Variants in PGAP2 observed in about 807,000 individuals in gnomAD.
PGAP2 encodes post-GPI attachment to proteins 2, also known as acyltransferase PGAP2.
PGAP2 carries 21 observed loss-of-function variants against 33.2 expected under a neutral mutation model. The observed-to-expected ratio is 0.63, with a 90% CI of 0.45 to 0.91. The LOEUF (loss-of-function observed/expected upper bound fraction) is 0.91, where lower values mean the gene tolerates loss of function less well. Ranked by LOEUF, PGAP2 falls within the 40% of genes least tolerant of loss-of-function variation. The probability of loss-of-function intolerance (pLI) is 0.00; values close to 1 mark genes in which losing one functional copy is unlikely to be tolerated. For synonymous variants in PGAP2, 161 were observed against 172.9 expected, an observed-to-expected ratio of 0.93 and a Z score of 0.54; for missense variants, 345 against 424.0, an observed-to-expected ratio of 0.81 and a Z score of 1.64.
chr11:3,822,818 C>T (rs1323018577), intron 3 of PGAP2: 1 of 692,478 alleles, frequency 1.4e-6, no homozygotes, highest in Non-Finnish European at 2.4e-6. Flanking sequence ...CCATCTAAAC[C>T]CTTGTTCAGT....
In PGAP2 at chr11:3,826,148, C is replaced by T. The variant is rs777515146; in HGVS notation, c.*690C>T. The T allele has an allele frequency of 2.0e-5, 3 of 152,316 alleles. No homozygotes were observed. The highest frequency in any genetic ancestry group is 2.9e-5 in the Non-Finnish European group (2 of 68,188). 9.4% of individuals were successfully genotyped at this position (152,316 alleles called of 1,614,324 possible). On this transcript the variant is annotated 3_prime_UTR_variant, in exon 7 of 7. Coordinates refer to ENST00000278243, the MANE Select transcript of PGAP2 (RefSeq NM_014489.4). ...TGACCTGCTCCAGAAACAGCACCAGCACAGCATGTATTTTCTTCTCTTCTG... is the reference window on the plus strand; with the variant it reads ...TGACCTGCTCCAGAAACAGCACCAGTACAGCATGTATTTTCTTCTCTTCTG...
upstream of PGAP2, among the ~76,000 whole-genome samples, chr11:3,806,065 A>G (rs1460555724): frequency 6.6e-6 from 1 of 152,126 alleles, no homozygotes. Context: ...AGAATTGCCC[A>G]TATTTCCCAA....
intron 1 of PGAP2, among the ~76,000 whole-genome samples, chr11:3,809,846 A>C (rs761588484): frequency 3.3e-5 from 5 of 152,134 alleles, no homozygotes; most frequent in Non-Finnish European, 7.4e-5. Context: ...GCTGGGGGAA[A>C]ATGGGTGAGA....
At chr11:3,815,965 A>G (rs1000361371) in intron 2 of PGAP2, among the ~76,000 whole-genome samples, 3 of 152,170 alleles carry the variant, frequency 2.0e-5, no homozygotes, top group Non-Finnish European at 4.4e-5. Flanking sequence ...AAACCTGCCT[A>G]TGACCCTGGA....
chr11:3,825,363 G>A lies in PGAP2; in HGVS notation c.853G>A (p.Val285Ile). Residue 285 changes from valine (V) to isoleucine (I), a missense_variant, in exon 7 of 7, where the codon GTC becomes ATC. Around this residue, in one of 2 missense-constraint regions of PGAP2, gnomAD observed 311 missense variants for 353.6 expected, o/e 0.88. Transcript: ENST00000278243. ...TIFAILEYTV[V>I]LTNMAFHMTA... ...CTTTGCCATCCTGGAGTACACTGTTGTCTTAACCAACATGGCGTTCCACAT... is the reference window on the plus strand; with the variant it reads ...CTTTGCCATCCTGGAGTACACTGTTATCTTAACCAACATGGCGTTCCACAT... The A allele has an allele frequency of 6.2e-7, 1 of 1,613,940 alleles. No homozygotes were observed. The highest frequency in any genetic ancestry group is 8.5e-7 in the Non-Finnish European group (1 of 1,179,948).
rs7946577 is a variant in PGAP2, at chr11:3,817,680, G to C, written c.348+145G>C. 498,566 of 726,272 alleles carry C rather than the reference G, an allele frequency of 0.69. 177,799 individuals are homozygous for C. Among genetic ancestry groups the C allele is most frequent in the East Asian group, 0.82 (30,630 of 37,314 alleles). The allele number at this position is 726,272 out of a possible 1,614,324, so 45.0% of individuals were successfully genotyped here. A position where few individuals can be genotyped will look rare whatever the true frequency, so the allele number is the denominator to read the frequency against. ...GGGAAGGGTAGGTAAGTCAGAGTCA[G>C]AGATAATTCATGGGGGGAGACTCAG... On this transcript the variant is annotated intron_variant, in intron 3 of 6. Coordinates refer to ENST00000278243, the MANE Select transcript of PGAP2 (RefSeq NM_014489.4).
Position 3,823,866 on chromosome 11 carries a change from A to G in PGAP2, c.349-17A>G. On this transcript the variant is annotated splice_polypyrimidine_tract_variant and intron_variant, in intron 3 of 6. Coordinates refer to ENST00000278243, the MANE Select transcript of PGAP2 (RefSeq NM_014489.4). ...GGCTGGCAGAGGCAGATGCCCAGACAGGTCACAACTCTCTAGGTGCCCAAT... is the reference window on the plus strand; with the variant it reads ...GGCTGGCAGAGGCAGATGCCCAGACGGGTCACAACTCTCTAGGTGCCCAAT... 6.3e-7 allele frequency: 1 copy of G among 1,599,466 alleles called. No homozygotes were observed. Among genetic ancestry groups the G allele is most frequent in the Non-Finnish European group, 8.5e-7 (1 of 1,178,358 alleles).
At chr11:3,822,808 C>G (rs1047052960) in intron 3 of PGAP2, 2 of 621,194 alleles carry the variant, frequency 3.2e-6, no homozygotes, top group Non-Finnish European at 5.5e-6. Flanking sequence ...TTTCCTGTCC[C>G]CATCTAAACC....
chr11:3,816,967 C>T (rs923037637), intron 2 of PGAP2, among the ~76,000 whole-genome samples: 3 of 152,166 alleles, frequency 2.0e-5, no homozygotes, highest in Non-Finnish European at 4.4e-5. Flanking sequence ...CTCAGTCTCC[C>T]CTTCTGTGAA....
rs1382633880 is a variant in PGAP2, at chr11:3,823,685, A to T, written c.349-198A>T. On this transcript the variant is annotated intron_variant, in intron 3 of 6. Transcript: ENST00000278243. ...TGCACAAATCCCAGGATAGCTGGGG[A>T]ATGAGAATCCAGCACTTTGGGCCTA... The T allele has an allele frequency of 3.2e-6, 5 of 1,574,726 alleles. No homozygotes were observed. In the South Asian group the frequency reaches 5.6e-5, roughly 18 times the overall value.
chr11:3,803,912 T>G (rs1181318620), upstream of PGAP2, among the ~76,000 whole-genome samples: 1 of 152,082 alleles, frequency 6.6e-6, no homozygotes, highest in Non-Finnish European at 1.5e-5. Flanking sequence ...TGCCTCAGCC[T>G]TCCTAGTAGC....
Position 3,825,451 on chromosome 11 carries a change from G to A in PGAP2, c.941G>A (p.Arg314Gln), listed in dbSNP as rs773338737. The change falls in exon 7 of 7, where the codon CGA becomes CAA. Residue 314 changes from arginine (R) to glutamine (Q), a missense_variant. Arg to Gln is a conservative substitution (Grantham distance 43). Around this residue, in one of 2 missense-constraint regions of PGAP2, gnomAD observed 311 missense variants for 353.6 expected, o/e 0.88. Coordinates refer to ENST00000278243, the MANE Select transcript of PGAP2 (RefSeq NM_014489.4). ...ATAACCTCTCAGCCTGAGGAAAAGC[G>A]ATTCTGAACCCTTCAGTCCTGCTTG... Reference protein sequence around the residue: ...LLITSQPEEKRF With the variant: ...LLITSQPEEKQF The A allele has an allele frequency of 1.7e-5, 28 of 1,613,040 alleles. No homozygotes were observed. Among genetic ancestry groups the A allele is most frequent in the Non-Finnish European group, 2.2e-5 (26 of 1,179,858 alleles).
intron 1 of PGAP2, among the ~76,000 whole-genome samples, chr11:3,809,227 A>G (rs1414690017): frequency 6.6e-6 from 1 of 152,162 alleles, no homozygotes; most frequent in Admixed American, 6.5e-5. Flanking sequence ...AAAGAAAGCA[A>G]TTTTCAGCTA....
intron 1 of PGAP2, among the ~76,000 whole-genome samples, chr11:3,800,047 T>C (rs1294435099): frequency 6.6e-6 from 1 of 152,162 alleles, no homozygotes; most frequent in African/African-American, 2.4e-5. Context: ...AGGTGCTCAG[T>C]AGATACTTGA....
chr11:3,806,970 G>A (rs890800821), upstream of PGAP2, among the ~76,000 whole-genome samples: 10 of 151,542 alleles, frequency 6.6e-5, no homozygotes, highest in Non-Finnish European at 1.0e-4. Flanking sequence ...GCAGTGAGCC[G>A]AGATCGTGGC....
At chr11:3,797,996 C>A in intron 1 of PGAP2, 1 of 1,539,052 alleles carries the variant, frequency 6.5e-7, no homozygotes, top group Non-Finnish European at 8.8e-7. Flanking sequence ...ACTATTCGAC[C>A]CTTTCCTTGC....
chr11:3,812,552 A>T (rs2085818678), intron 2 of PGAP2, among the ~76,000 whole-genome samples: 1 of 152,142 alleles, frequency 6.6e-6, no homozygotes, highest in African/African-American at 2.4e-5. Flanking sequence ...GAGCAGAAGG[A>T]GGAGGAGGAA....
At chr11:3,820,875 G>A (rs961209375) in intron 3 of PGAP2, among the ~76,000 whole-genome samples, 1 of 152,162 alleles carries the variant, frequency 6.6e-6, no homozygotes, top group East Asian at 1.9e-4. Context: ...GGTAGGTGGT[G>A]TTATACCCAT....
At chr11:3,818,421 C>A (rs923880730) in intron 3 of PGAP2, among the ~76,000 whole-genome samples, 1 of 151,314 alleles carries the variant, frequency 6.6e-6, no homozygotes, top group Non-Finnish European at 1.5e-5. Flanking sequence ...CAGGAGAGAT[C>A]ATGAGAGGAA....
Sources: allele counts gnomAD v4.1 joint callset (sites outside exome capture counted in the v4.1 genomes callset), GRCh38; gene constraint gnomAD v4.1.1; regional missense constraint gnomAD v4.1.1; transcripts MANE v1.5; gene names NCBI Gene and HGNC (gene_info 2026-07-23, HGNC 2026-07-21).